Variants in KYNU observed in about 807,000 individuals in gnomAD.
KYNU encodes the protein L-kynurenine hydrolase.
In KYNU, 54 loss-of-function variants were observed where a neutral mutation model predicts 59.2. The observed-to-expected ratio is 0.91, with a 90% confidence interval of 0.73 to 1.14. The LOEUF (loss-of-function observed/expected upper bound fraction) is 1.14. Ranked by LOEUF, KYNU falls within the 50% of genes most tolerant of loss-of-function variation. The probability of loss-of-function intolerance (pLI) is 0.00; values close to 1 mark genes in which losing one functional copy is unlikely to be tolerated. For synonymous variants in KYNU, 177 were observed against 192.0 expected (o/e 0.92, Z 0.65); for missense variants, 567 against 554.4 (o/e 1.02, Z -0.23).
intron 8 of KYNU, among the ~76,000 whole-genome samples, chr2:142,984,328 G>C (rs990102041): frequency 6.6e-6 from 1 of 151,950 alleles, no homozygotes; most frequent in Non-Finnish European, 1.5e-5. Flanking sequence ...CATACTCATG[G>C]AAGTGGATAC....
intron 10 of KYNU, among the ~76,000 whole-genome samples, chr2:142,991,561 G>C (rs1258841543): frequency 6.6e-6 from 1 of 151,694 alleles, no homozygotes; most frequent in Non-Finnish European, 1.5e-5. Context: ...CAACTTCTTG[G>C]CTTCTCAGCC....
At chr2:142,946,038 C>T (rs948798561) in intron 4 of KYNU, among the ~76,000 whole-genome samples, 1 of 151,890 alleles carries the variant, frequency 6.6e-6, no homozygotes, top group South Asian at 2.1e-4. Flanking sequence ...CCACACCTGG[C>T]CTTTTTTCCA....
At chr2:143,027,031 A>C (rs981794995) in intron 10 of KYNU, among the ~76,000 whole-genome samples, 1 of 152,164 alleles carries the variant, frequency 6.6e-6, no homozygotes, top group Admixed American at 6.5e-5. Context: ...TTGAGCGGGA[A>C]AACAGGGATA....
At chr2:142,972,741 A>G (rs1573857184) in intron 8 of KYNU, among the ~76,000 whole-genome samples, 2 of 151,612 alleles carry the variant, frequency 1.3e-5, no homozygotes, top group African/African-American at 4.8e-5. Flanking sequence ...CTATATATAT[A>G]TATGAATTTG....
chr2:143,044,814 G>C lies in KYNU; in HGVS notation c.*2642G>C, dbSNP rs1034123222. ...CTCTGATGATAGTTTCTTTTGCTGT[G>C]TAGAAGCTCTTTAGTTTAATCAGGT... On this transcript the variant is annotated 3_prime_UTR_variant, in exon 14 of 14. Transcript: ENST00000264170. 6.6e-6 allele frequency: 1 copy of C among 152,080 alleles called. No individual in the cohort carries two copies. The highest frequency in any genetic ancestry group is 1.5e-5 in the Non-Finnish European group (1 of 68,034). The allele number at this position is 152,080 out of a possible 1,614,324, so 9.4% of individuals were successfully genotyped here.
chr2:142,941,407 A>G (rs576054422), intron 4 of KYNU, among the ~76,000 whole-genome samples: 6 of 152,368 alleles, frequency 3.9e-5, no homozygotes, highest in South Asian at 2.1e-4. Flanking sequence ...TGAATGCTGC[A>G]TTAGTTAAAT....
chr2:142,919,852 T>G (rs1682814403), intron 3 of KYNU, among the ~76,000 whole-genome samples: 1 of 152,116 alleles, frequency 6.6e-6, no homozygotes. Context: ...TGGATGGATC[T>G]CCTAAGCTCA....
intron 10 of KYNU, among the ~76,000 whole-genome samples, chr2:142,988,589 T>G (rs1432960002): frequency 6.6e-6 from 1 of 151,952 alleles, no homozygotes; most frequent in Non-Finnish European, 1.5e-5. Flanking sequence ...TGCTTTTAAG[T>G]TTTTTGGAAA....
intron 8 of KYNU, among the ~76,000 whole-genome samples, chr2:142,975,494 G>A (rs1684857804): frequency 6.6e-6 from 1 of 152,120 alleles, no homozygotes; most frequent in Admixed American, 6.5e-5. Context: ...ACTCCACACT[G>A]AGCTTGTTAA....
chr2:142,927,791 C>A, intron 4 of KYNU, 50 bp downstream of exon 4: 1 of 1,242,090 alleles, frequency 8.1e-7, no homozygotes, highest in South Asian at 1.2e-5. Flanking sequence ...AAGATGTTAT[C>A]ATTTAGTTAT....
At position 142,927,845 on chromosome 2, in the gene KYNU, G is replaced by T; in HGVS notation, c.373+104G>T. 4 of 824,548 alleles carry T rather than the reference G, an allele frequency of 4.9e-6. No individual in the cohort carries two copies. The South Asian group carries it at 5.8e-5, about 12-fold the overall frequency. 51.1% of individuals were successfully genotyped at this position (824,548 alleles called of 1,614,324 possible). ...TCAAAATCTTATTGAAGAACATAGT[G>T]ATTTTCTATTTTAATCTATAATAGT... is the stretch of plus-strand genomic sequence containing the variant. On this transcript the variant is annotated intron_variant, in intron 4 of 13. Transcript: ENST00000264170.
At chr2:142,991,785 A>G (rs1298211797) in intron 10 of KYNU, among the ~76,000 whole-genome samples, 1 of 151,916 alleles carries the variant, frequency 6.6e-6, no homozygotes, top group East Asian at 1.9e-4. Context: ...TTTCAACAAT[A>G]TACAACTGGT....
At chr2:142,987,022 T>C (rs1201623417) in intron 10 of KYNU, among the ~76,000 whole-genome samples, 1 of 151,832 alleles carries the variant, frequency 6.6e-6, no homozygotes, top group Non-Finnish European at 1.5e-5. Flanking sequence ...ACATTTGTCT[T>C]AAGTTTAAAT....
intron 1 of KYNU, among the ~76,000 whole-genome samples, chr2:142,882,220 C>T (rs1209124930): frequency 6.6e-6 from 1 of 152,126 alleles, no homozygotes; most frequent in Non-Finnish European, 1.5e-5. Flanking sequence ...CTCCAAACTA[C>T]ATCATAAATC....
At chr2:143,024,741 C>T (rs1213108347) in intron 10 of KYNU, among the ~76,000 whole-genome samples, 3 of 152,044 alleles carry the variant, frequency 2.0e-5, no homozygotes, top group Non-Finnish European at 2.9e-5. Flanking sequence ...TAATCGCTCC[C>T]AACTAACTCA....
chr2:142,900,307 A>G (rs1220493365), intron 2 of KYNU, among the ~76,000 whole-genome samples: 2 of 152,216 alleles, frequency 1.3e-5, no homozygotes, highest in South Asian at 2.1e-4. Flanking sequence ...GCAGTGGTGG[A>G]TAGCAAGCGA....
intron 11 of KYNU, among the ~76,000 whole-genome samples, chr2:143,030,946 T>C (rs1459848792): frequency 6.6e-6 from 1 of 152,154 alleles, no homozygotes; most frequent in African/African-American, 2.4e-5. Flanking sequence ...GCATTGAATA[T>C]ATTATATGAT....
At chr2:142,965,969 C>G (rs1026165789) in intron 8 of KYNU, among the ~76,000 whole-genome samples, 2 of 151,842 alleles carry the variant, frequency 1.3e-5, no homozygotes, top group Non-Finnish European at 2.9e-5. Context: ...CTCTCCCTTG[C>G]TCTCTCTCTT....
chr2:142,904,458 C>T (rs1453573972), intron 2 of KYNU, among the ~76,000 whole-genome samples: 1 of 152,186 alleles, frequency 6.6e-6, no homozygotes, highest in African/African-American at 2.4e-5. Context: ...TCACCAAACT[C>T]TCAGGCTGCA....
Sources: allele counts gnomAD v4.1 joint callset (sites outside exome capture counted in the v4.1 genomes callset), GRCh38; gene constraint gnomAD v4.1.1; transcripts MANE v1.5; gene names NCBI Gene and HGNC (gene_info 2026-07-23, HGNC 2026-07-21).